Variants in PPEF2 observed in about 807,000 individuals in gnomAD.
PPEF2 encodes the protein protein phosphatase with EF-hand domain 2.
PPEF2 carries 84 observed loss-of-function variants against 84.7 expected under a neutral mutation model. The observed-to-expected ratio is 0.99, with a 90% CI of 0.83 to 1.19. The LOEUF is 1.19. Ranked by LOEUF, PPEF2 falls within the 50% of genes most tolerant of loss-of-function variation. The probability of loss-of-function intolerance (pLI) is 0.00; values close to 1 mark genes in which losing one functional copy is unlikely to be tolerated. For missense variants in PPEF2, 924 were observed against 937.5 expected, an observed-to-expected ratio of 0.99 and a Z score of 0.19; for synonymous variants, 346 against 345.2, an observed-to-expected ratio of 1.00 and a Z score of -0.03.
intron 3 of PPEF2, 64 bp downstream of exon 3, chr4:75,891,787 G>A: frequency 1.3e-6 from 2 of 1,596,746 alleles, no homozygotes; most frequent in Non-Finnish European, 1.7e-6. Flanking sequence ...CTCACTTTAG[G>A]AGCACCCGAG....
chr4:75,892,973 T>G (rs72651350), intron 2 of PPEF2, among the ~76,000 whole-genome samples: 3,836 of 152,272 alleles, frequency 0.025, 63 homozygotes, highest in African/African-American at 0.032. Flanking sequence ...GTAGACAGAT[T>G]GATTTAATAT....
In PPEF2 at chr4:75,896,301, G is replaced by A. The variant is rs370673030; in HGVS notation, c.25C>T (p.His9Tyr). 155 of 1,614,110 alleles carry A rather than the reference G, an allele frequency of 9.6e-5. 1 individual carries two copies. Among genetic ancestry groups the A allele is most frequent in the Non-Finnish European group, 1.3e-4 (152 of 1,180,042 alleles). MGSGTSTQ[H>Y]HFAFQNAERA... Reference sequence around the variant, plus strand: ...TCTGCATTCTGGAAAGCAAAATGATGTTGGGTGGAGGTGCCGCTTCCCATA... The same window carrying A: ...TCTGCATTCTGGAAAGCAAAATGATATTGGGTGGAGGTGCCGCTTCCCATA... Residue 9 changes from histidine to tyrosine, a missense_variant, in exon 2 of 17, where the codon CAT (histidine) becomes TAT (tyrosine). By Grantham distance (83) the His-to-Tyr change is moderately conservative. Transcript: ENST00000286719.
chr4:75,871,822 G>A (rs913796141), intron 13 of PPEF2, among the ~76,000 whole-genome samples: 4 of 152,162 alleles, frequency 2.6e-5, no homozygotes, highest in Admixed American at 2.0e-4. Context: ...ATGATGGGTA[G>A]ATAGAGCTAT....
At chr4:75,890,475 T>C (rs6820777) in intron 4 of PPEF2, among the ~76,000 whole-genome samples, 22,337 of 128,306 alleles carry the variant, frequency 0.17, 1,892 homozygotes, top group African/African-American at 0.19. Context: ...AACGATAGAG[T>C]GAGACCCTGT....
Position 75,884,734 on chromosome 4 carries a change from T to C in PPEF2, c.606A>G (p.Ser202=), listed in dbSNP as rs1233897299. 1.9e-6 allele frequency: 3 copies of C among 1,603,210 alleles called. No individual in the cohort carries two copies. The Admixed American group carries it at 5.3e-5, about 28-fold the overall frequency. Residue 202 remains serine, a synonymous_variant, in exon 8 of 17, where the codon TCA becomes TCG. Transcript: ENST00000286719. ...YKNGLPSPER[S]YVFNGDFVDR... ...CCACAAAGTCACCGTTGAACACATA[T>C]GACCGTTCTGGCGACGGGAGGCCAT...
intron 10 of PPEF2, chr4:75,881,291 G>C (rs1402991099): frequency 6.6e-6 from 1 of 151,774 alleles, no homozygotes; most frequent in African/African-American, 2.4e-5. Context: ...GTAGAGAAAG[G>C]GTTTCACCAT....
In PPEF2 at chr4:75,891,837, A is replaced by G; in HGVS notation, c.183+14T>C. ...GGAGAGCAGGAGGCGGCTCCGTCCC[A>G]CATCTCATTGTACCTTGACTTGGTC... On this transcript the variant is annotated intron_variant, in intron 3 of 16. Transcript: ENST00000286719. The G allele has an allele frequency of 6.2e-7, 1 of 1,604,946 alleles. No individual in the cohort carries two copies. The highest frequency in any genetic ancestry group is 1.1e-5 in the South Asian group (1 of 90,882).
At position 75,877,006 on chromosome 4, in the gene PPEF2, A is replaced by AAAAG. The variant is rs71657381; in HGVS notation, c.934-337_934-334dup. 7.1e-4 allele frequency among the ~76,000 whole-genome samples: 38 copies of AAAAG among 53,650 alleles called. 3 individuals are homozygous for AAAAG. The highest frequency in any genetic ancestry group is 1.3e-3 in the African/African-American group (33 of 25,198). The allele number at this position is 53,650 out of a possible 152,430, so 35.2% of individuals were successfully genotyped here. On this transcript the variant is annotated intron_variant, in intron 10 of 16. Transcript: ENST00000286719. The stretch of plus-strand genomic sequence containing the variant: ...CTGAGCAACAGAGGGAGACCCTGAA[A>AAAAG]AAAGAAAGAAAGAAAGAAAGAAAGA...
intron 12 of PPEF2, 43 bp downstream of exon 12, chr4:75,873,084 T>G: frequency 1.3e-6 from 2 of 1,557,924 alleles, no homozygotes; most frequent in African/African-American, 2.7e-5. Context: ...TCGGACTACT[T>G]TGGTGACACA....
At chr4:75,900,211 TTAAA>T (rs1357365195) in intron 1 of PPEF2, among the ~76,000 whole-genome samples, 1 of 152,216 alleles carries the variant, frequency 6.6e-6, no homozygotes, top group Admixed American at 6.5e-5. Flanking sequence ...AAGATTTTTA[TTAAA>T]TAAATCCTCT....
At chr4:75,898,045 G>A (rs527295231) in intron 1 of PPEF2, among the ~76,000 whole-genome samples, 4 of 152,228 alleles carry the variant, frequency 2.6e-5, no homozygotes, top group Non-Finnish European at 5.9e-5. Context: ...TATGGGAAAC[G>A]AAGGGATGGG....
intron 10 of PPEF2, chr4:75,881,560 A>T (rs1471412573): frequency 6.6e-6 from 1 of 152,180 alleles, no homozygotes; most frequent in East Asian, 1.9e-4. Context: ...ACAGAGTGAG[A>T]CCTTGTCTCA....
At chr4:75,900,302 A>G (rs1725091273) in intron 1 of PPEF2, among the ~76,000 whole-genome samples, 1 of 152,204 alleles carries the variant, frequency 6.6e-6, no homozygotes, top group Non-Finnish European at 1.5e-5. Flanking sequence ...CCTACAAAGA[A>G]TTTATTGGAG....
intron 11 of PPEF2, among the ~76,000 whole-genome samples, chr4:75,874,821 C>T (rs1323066775): frequency 6.6e-6 from 1 of 152,170 alleles, no homozygotes; most frequent in Non-Finnish European, 1.5e-5. Context: ...GCTGCAACTT[C>T]TCTTTCTCAC....
intron 2 of PPEF2, among the ~76,000 whole-genome samples, chr4:75,895,296 G>A (rs1051538063): frequency 6.6e-6 from 1 of 151,874 alleles, no homozygotes; most frequent in East Asian, 1.9e-4. Flanking sequence ...GGGCATGGTG[G>A]CACCCGCCTG....
chr4:75,886,003 C>CT (rs1298277567), intron 7 of PPEF2, among the ~76,000 whole-genome samples: 1 of 64,892 alleles, frequency 1.5e-5, no homozygotes, highest in East Asian at 6.2e-4. Context: ...GAGCGAAACT[C>CT]TGTCTTAAAA....
intron 13 of PPEF2, among the ~76,000 whole-genome samples, chr4:75,870,676 G>C (rs368097651): frequency 6.6e-6 from 1 of 152,152 alleles, no homozygotes; most frequent in African/African-American, 2.4e-5. Context: ...CTCGGTCAAG[G>C]ACTACCTTCA....
intron 10 of PPEF2, among the ~76,000 whole-genome samples, 169 bp from the exon 11 acceptor site, chr4:75,876,842 CA>C (rs1724431413): frequency 1.3e-5 from 2 of 151,078 alleles, no homozygotes; most frequent in Admixed American, 1.3e-4. Flanking sequence ...CGTGTCTCTA[CA>C]AAAAATACAA....
intron 1 of PPEF2, among the ~76,000 whole-genome samples, chr4:75,896,629 C>T (rs1725015992): frequency 1.3e-5 from 2 of 152,178 alleles, no homozygotes; most frequent in African/African-American, 4.8e-5. Context: ...ATTCTCAAAG[C>T]AATTCATCCG....
Sources: gnomAD v4.1 joint callset for allele counts (sites outside exome capture counted in the v4.1 genomes callset) on GRCh38, gnomAD v4.1.1 for gene constraint, MANE v1.5 for transcripts, NCBI Gene and HGNC (gene_info 2026-07-23, HGNC 2026-07-21) for gene names.